ADGRB3: variants seen among roughly 807,000 people sequenced by gnomAD.
ADGRB3 encodes the protein brain-specific angiogenesis inhibitor 3.
ADGRB3 carries 37 observed loss-of-function variants against 193.4 expected under a neutral mutation model. The observed-to-expected ratio is 0.19, with a 90% CI of 0.15 to 0.25. The LOEUF (loss-of-function observed/expected upper bound fraction) is 0.25, where lower values mean the gene tolerates loss of function less well. Ranked by LOEUF, ADGRB3 falls within the 10% of genes least tolerant of loss-of-function variation. The pLI is 1.00. For missense variants in ADGRB3, 1,637 were observed against 1,852.9 expected (o/e 0.88, Z 2.14); for synonymous variants, 690 against 644.2 (o/e 1.07, Z -1.08).
intron 20 of ADGRB3, among the ~76,000 whole-genome samples, chr6:69,291,102 C>T (rs1767655651): frequency 6.6e-6 from 1 of 152,060 alleles, no homozygotes; most frequent in African/African-American, 2.4e-5. Context: ...TCATCCTTTT[C>T]CTAATGCTTC....
At chr6:69,092,136 A>G (rs1185944463) in intron 17 of ADGRB3, among the ~76,000 whole-genome samples, 1 of 152,176 alleles carries the variant, frequency 6.6e-6, no homozygotes, top group Admixed American at 6.5e-5. Flanking sequence ...ATTCTCCAGT[A>G]TCTCTTAAAA....
chr6:68,774,117 A>C (rs547613198), intron 3 of ADGRB3, among the ~76,000 whole-genome samples: 1 of 151,180 alleles, frequency 6.6e-6, no homozygotes, highest in Admixed American at 6.6e-5. Flanking sequence ...TCATAAAAGC[A>C]TTTTAAAAGT....
At chr6:69,051,437 C>T (rs1437386275) in intron 15 of ADGRB3, among the ~76,000 whole-genome samples, 1 of 152,012 alleles carries the variant, frequency 6.6e-6, no homozygotes, top group Non-Finnish European at 1.5e-5. Flanking sequence ...ATTTGTTTAC[C>T]TGTACATTCT....
At chr6:68,758,585 T>A (rs1766340169) in intron 3 of ADGRB3, among the ~76,000 whole-genome samples, 1 of 152,138 alleles carries the variant, frequency 6.6e-6, no homozygotes, top group Admixed American at 6.6e-5. Flanking sequence ...GTCCTATGGT[T>A]AAGTCCCAGG....
At chr6:69,085,856 C>A (rs990043105) in intron 17 of ADGRB3, among the ~76,000 whole-genome samples, 2 of 151,122 alleles carry the variant, frequency 1.3e-5, no homozygotes, top group Non-Finnish European at 3.0e-5. Flanking sequence ...GAATGAACAT[C>A]GGTAAAGATA....
At chr6:68,790,835 G>GAA (rs995922441) in intron 3 of ADGRB3, among the ~76,000 whole-genome samples, 3 of 151,912 alleles carry the variant, frequency 2.0e-5, no homozygotes, top group African/African-American at 7.3e-5. Flanking sequence ...ACAAAGATGG[G>GAA]AAAAAAACAG....
intron 19 of ADGRB3, among the ~76,000 whole-genome samples, chr6:69,235,355 A>G (rs565466030): frequency 2.0e-5 from 3 of 152,228 alleles, no homozygotes; most frequent in South Asian, 2.1e-4. Flanking sequence ...CAGTACACAC[A>G]TAAACTTTTA....
intron 3 of ADGRB3, among the ~76,000 whole-genome samples, chr6:68,719,819 G>T (rs1238694488): frequency 6.6e-6 from 1 of 151,522 alleles, no homozygotes; most frequent in Non-Finnish European, 1.5e-5. Context: ...GTGAAAAAAA[G>T]GAAATTAGAA....
chr6:68,801,627 T>C (rs1350223249), intron 3 of ADGRB3, among the ~76,000 whole-genome samples: 1 of 152,036 alleles, frequency 6.6e-6, no homozygotes, highest in Non-Finnish European at 1.5e-5. Flanking sequence ...AGGCAGAGGT[T>C]ACGGTGAGCT....
rs146631471 is a variant in ADGRB3, at chr6:69,337,655, T to G, written c.3189-1261T>G. 4.3e-3 allele frequency among the ~76,000 whole-genome samples: 652 copies of G among 152,224 alleles called. 3 individuals carry two copies. Among genetic ancestry groups the G allele is most frequent in the African/African-American group, 0.015 (603 of 41,532 alleles). On this transcript the variant is annotated intron_variant, in intron 24 of 31. Coordinates refer to ENST00000370598, the MANE Select transcript of ADGRB3 (RefSeq NM_001704.3). The stretch of plus-strand genomic sequence containing the variant: ...TGGAGTGGATCAGTAAAGCGAGGGA[T>G]TTAGTGTCATATTCCCCACCCCCAC...
At chr6:69,198,682 C>G (rs1765349593) in intron 17 of ADGRB3, among the ~76,000 whole-genome samples, 2 of 151,984 alleles carry the variant, frequency 1.3e-5, no homozygotes, top group South Asian at 4.2e-4. Flanking sequence ...AGAGACAAGT[C>G]TGGAGTGAGT....
At chr6:68,846,366 G>C (rs531227072) in intron 3 of ADGRB3, among the ~76,000 whole-genome samples, 63 of 152,336 alleles carry the variant, frequency 4.1e-4, no homozygotes, top group African/African-American at 1.4e-3. Flanking sequence ...TAAATAGCAA[G>C]GAGCCTAATC....
At chr6:69,232,481 T>C (rs1766164710) in intron 17 of ADGRB3, 12 of 1,533,710 alleles carry the variant, frequency 7.8e-6, no homozygotes, top group Non-Finnish European at 1.0e-5. Context: ...CTACTGGACT[T>C]TGGGGTGGGG....
chr6:68,962,485 C>T (rs1768263543), intron 8 of ADGRB3, among the ~76,000 whole-genome samples: 1 of 152,142 alleles, frequency 6.6e-6, no homozygotes, highest in Admixed American at 6.5e-5. Context: ...AGACTTTGAT[C>T]AGACTCTTAC....
intron 3 of ADGRB3, among the ~76,000 whole-genome samples, chr6:68,895,575 G>A (rs550535741): frequency 6.6e-6 from 1 of 152,072 alleles, no homozygotes; most frequent in African/African-American, 2.4e-5. Flanking sequence ...TGAAACATGA[G>A]TATATAAATA....
intron 16 of ADGRB3, among the ~76,000 whole-genome samples, chr6:69,065,760 T>TACACAC (rs1485700358): frequency 0.033 from 3,896 of 117,644 alleles, 70 homozygotes; most frequent in East Asian, 0.13. Context: ...TTCATGTATA[T>TACACAC]ATATACACAC....
intron 17 of ADGRB3, among the ~76,000 whole-genome samples, chr6:69,122,999 AGTGTGT>A (rs70987452): frequency 4.7e-5 from 7 of 149,322 alleles, no homozygotes; most frequent in African/African-American, 1.5e-4. Context: ...CATACGTGTG[AGTGTGT>A]GTGTGTGTGT....
chr6:68,871,952 G>A (rs1765472095), intron 3 of ADGRB3, among the ~76,000 whole-genome samples: 1 of 151,964 alleles, frequency 6.6e-6, no homozygotes, highest in African/African-American at 2.4e-5. Context: ...TTCTTCATAA[G>A]GTCATCTTTG....
chr6:68,976,077 G>T (rs543707321), intron 10 of ADGRB3, among the ~76,000 whole-genome samples: 2 of 152,182 alleles, frequency 1.3e-5, no homozygotes, highest in East Asian at 3.9e-4. Context: ...GAGCCAACTG[G>T]GAAGTTTAAT....
Sources: gnomAD v4.1 joint callset for allele counts (sites outside exome capture counted in the v4.1 genomes callset) on GRCh38, gnomAD v4.1.1 for gene constraint, MANE v1.5 for transcripts, NCBI Gene and HGNC (gene_info 2026-07-23, HGNC 2026-07-21) for gene names.